Variants in AP3B1 observed in about 807,000 individuals in gnomAD.
The protein encoded by AP3B1 is adaptor related protein complex 3 subunit beta 1.
In AP3B1, 61 loss-of-function variants were observed where a neutral mutation model predicts 132.5. The observed-to-expected ratio is 0.46, with a 90% CI of 0.37 to 0.57. The LOEUF is 0.57. Among genes scored for constraint, AP3B1 ranks in the 20% least tolerant of loss-of-function variants. The pLI is 0.00. For synonymous variants in AP3B1, 388 were observed against 438.3 expected, an observed-to-expected ratio of 0.89 and a Z score of 1.43; for missense variants, 1,120 against 1,289.4, an observed-to-expected ratio of 0.87 and a Z score of 2.01.
intron 5 of AP3B1, among the ~76,000 whole-genome samples, chr5:78,226,798 CCA>C (rs1424325967): frequency 6.6e-6 from 1 of 151,984 alleles, no homozygotes; most frequent in African/African-American, 2.4e-5. Context: ...AGTAAATTTT[CCA>C]CAGAGATCAG....
chr5:78,141,080 C>A (rs1753124892), intron 15 of AP3B1, 63 bp downstream of exon 15: 1 of 1,480,028 alleles, frequency 6.8e-7, no homozygotes, highest in African/African-American at 1.4e-5. Context: ...CAGACCCCCG[C>A]TGTTTGATCA....
At chr5:78,033,158 G>C (rs1164797715) in intron 24 of AP3B1, among the ~76,000 whole-genome samples, 5 of 152,078 alleles carry the variant, frequency 3.3e-5, no homozygotes. Flanking sequence ...TCATTAAAAT[G>C]AATATACCTC....
chr5:78,190,560 G>A (rs1744785157), intron 7 of AP3B1, among the ~76,000 whole-genome samples: 1 of 152,180 alleles, frequency 6.6e-6, no homozygotes, highest in Non-Finnish European at 1.5e-5. Context: ...TACGTACACA[G>A]CATATGGGTG....
At chr5:78,110,858 A>T (rs1561413348) in intron 19 of AP3B1, among the ~76,000 whole-genome samples, 2 of 151,360 alleles carry the variant, frequency 1.3e-5, no homozygotes, top group Non-Finnish European at 3.0e-5. Flanking sequence ...TCCCGGGCTC[A>T]AGCGATGCTC....
chr5:78,180,753 G>A (rs1006849780), intron 8 of AP3B1, among the ~76,000 whole-genome samples: 6 of 152,034 alleles, frequency 3.9e-5, no homozygotes, highest in Admixed American at 3.3e-4. Flanking sequence ...ATGAATATAT[G>A]TACACTTATG....
At chr5:78,123,324 A>G (rs1220899988) in intron 17 of AP3B1, among the ~76,000 whole-genome samples, 1 of 152,240 alleles carries the variant, frequency 6.6e-6, no homozygotes, top group East Asian at 1.9e-4. Flanking sequence ...AAGCAATGGT[A>G]ACAAAAGCCA....
intron 2 of AP3B1, among the ~76,000 whole-genome samples, chr5:78,265,536 A>C (rs1748287451): frequency 1.3e-5 from 2 of 152,352 alleles, no homozygotes; most frequent in South Asian, 2.1e-4. Context: ...CATGATACTG[A>C]GGAAGAATCT....
chr5:78,275,987 T>A (rs1218137148), intron 1 of AP3B1, among the ~76,000 whole-genome samples: 2 of 152,138 alleles, frequency 1.3e-5, no homozygotes, highest in African/African-American at 2.4e-5. Context: ...ATTTGAAAGG[T>A]ATAAGAATCA....
chr5:78,148,061 C>T (rs199916700), intron 14 of AP3B1, among the ~76,000 whole-genome samples: 2 of 151,466 alleles, frequency 1.3e-5, no homozygotes, highest in African/African-American at 2.4e-5. Flanking sequence ...AGAGAATGAG[C>T]GAGAAAAAGA....
At chr5:78,065,226 C>CA (rs1749235829) in intron 22 of AP3B1, among the ~76,000 whole-genome samples, 1 of 152,202 alleles carries the variant, frequency 6.6e-6, no homozygotes, top group African/African-American at 2.4e-5. Context: ...CCCATGCCAC[C>CA]AGGGCCTTGG....
chr5:78,272,911 T>G (rs374128435), intron 1 of AP3B1, among the ~76,000 whole-genome samples: 1 of 148,190 alleles, frequency 6.7e-6, no homozygotes, highest in Admixed American at 6.7e-5. Context: ...TTCTGGCTGC[T>G]ACATTCAGAA....
intron 7 of AP3B1, among the ~76,000 whole-genome samples, chr5:78,199,448 A>C (rs1202718927): frequency 3.9e-5 from 6 of 152,186 alleles, no homozygotes; most frequent in African/African-American, 1.4e-4. Flanking sequence ...ATTTTTTGTT[A>C]AGCAAAATTC....
intron 15 of AP3B1, among the ~76,000 whole-genome samples, chr5:78,139,931 CAA>C (rs1753074477): frequency 6.6e-6 from 1 of 151,350 alleles, no homozygotes; most frequent in Non-Finnish European, 1.5e-5. Context: ...GGGACAAAAA[CAA>C]AGAGAGGGGA....
At chr5:78,084,032 A>G (rs999383218) in intron 22 of AP3B1, among the ~76,000 whole-genome samples, 4 of 152,218 alleles carry the variant, frequency 2.6e-5, no homozygotes, top group Non-Finnish European at 5.9e-5. Context: ...ACTTATTCAA[A>G]TTATCCCAGT....
chr5:78,193,093 T>C (rs1002556213), intron 7 of AP3B1, among the ~76,000 whole-genome samples: 8 of 152,210 alleles, frequency 5.3e-5, no homozygotes, highest in African/African-American at 1.9e-4. Flanking sequence ...TATATTTTTA[T>C]ATTGTGTTTA....
chr5:78,275,474 T>C (rs900033926), intron 1 of AP3B1, among the ~76,000 whole-genome samples: 6 of 152,124 alleles, frequency 3.9e-5, no homozygotes, highest in South Asian at 2.1e-4. Context: ...TCCATAATCA[T>C]GATAGGCAAT....
At chr5:78,071,946 T>A (rs145046197) in intron 22 of AP3B1, among the ~76,000 whole-genome samples, 4 of 152,230 alleles carry the variant, frequency 2.6e-5, no homozygotes, top group Non-Finnish European at 5.9e-5. Flanking sequence ...CTGAACTGAA[T>A]GTAAACTTTG....
intron 19 of AP3B1, among the ~76,000 whole-genome samples, chr5:78,110,597 T>C (rs1345755495): frequency 6.6e-6 from 1 of 152,006 alleles, no homozygotes; most frequent in East Asian, 1.9e-4. Context: ...CATTAAATGT[T>C]TGATTTACCA....
intron 21 of AP3B1, among the ~76,000 whole-genome samples, chr5:78,097,707 G>A (rs1312558956): frequency 2.6e-5 from 4 of 151,734 alleles, no homozygotes; most frequent in African/African-American, 7.2e-5. Flanking sequence ...GGTGAGGGGC[G>A]CCTCTGCCAG....
Sources: gnomAD v4.1 joint callset for allele counts (sites outside exome capture counted in the v4.1 genomes callset) on GRCh38, gnomAD v4.1.1 for gene constraint, MANE v1.5 for transcripts, NCBI Gene and HGNC (gene_info 2026-07-23, HGNC 2026-07-21) for gene names.